Variants in WWOX observed in about 807,000 individuals in gnomAD.
The protein encoded by WWOX is WW domain-containing oxidoreductase.
Under a neutral mutation model 46.2 loss-of-function variants are expected in WWOX, and 69 were observed. That is an observed-to-expected ratio of 1.49 (90% CI 1.23 to 1.82). The LOEUF (loss-of-function observed/expected upper bound fraction) is 1.82. WWOX is among the 40% of genes most tolerant of loss of function. WWOX has a pLI of 0.00. For synonymous variants in WWOX, 359 were observed against 202.6 expected, an observed-to-expected ratio of 1.77 and a Z score of -6.56; for missense variants, 919 against 542.6, an observed-to-expected ratio of 1.69 and a Z score of -6.89.
chr16:78,986,833 G>C (rs987361682), intron 8 of WWOX, among the ~76,000 whole-genome samples: 1 of 152,082 alleles, frequency 6.6e-6, no homozygotes, highest in Non-Finnish European at 1.5e-5. Flanking sequence ...AGATTTTTGG[G>C]CATCTTTTTG....
chr16:78,155,027 T>A (rs1325277607), intron 4 of WWOX, among the ~76,000 whole-genome samples: 1 of 152,172 alleles, frequency 6.6e-6, no homozygotes, highest in African/African-American at 2.4e-5. Context: ...TGACAGTGGC[T>A]TCTCAGCTAA....
At chr16:78,251,601 C>A (rs1224355328) in intron 5 of WWOX, among the ~76,000 whole-genome samples, 1 of 152,214 alleles carries the variant, frequency 6.6e-6, no homozygotes, top group African/African-American at 2.4e-5. Flanking sequence ...TAACTTCATT[C>A]TAAAAGCTGT....
chr16:78,870,260 C>G (rs1281415729), intron 8 of WWOX, among the ~76,000 whole-genome samples: 1 of 152,200 alleles, frequency 6.6e-6, no homozygotes. Flanking sequence ...TGCTTGATGA[C>G]AATGACCCAG....
intron 8 of WWOX, among the ~76,000 whole-genome samples, chr16:78,934,243 C>T (rs1226477652): frequency 4.0e-5 from 6 of 149,448 alleles, no homozygotes; most frequent in Non-Finnish European, 5.9e-5. Context: ...GAGGCTGAGG[C>T]AGGAGAATGG....
intron 8 of WWOX, among the ~76,000 whole-genome samples, chr16:78,932,017 G>C (rs572904826): frequency 6.6e-6 from 1 of 152,200 alleles, no homozygotes; most frequent in Non-Finnish European, 1.5e-5. Flanking sequence ...GCTCCACATT[G>C]GCCTTCTGCC....
At chr16:78,395,630 C>G (rs757505160) in intron 6 of WWOX, among the ~76,000 whole-genome samples, 1 of 152,142 alleles carries the variant, frequency 6.6e-6, no homozygotes, top group Non-Finnish European at 1.5e-5. Flanking sequence ...GGGAAATGAG[C>G]TTCACATTGC....
chr16:78,673,775 C>A (rs367943898), intron 8 of WWOX, among the ~76,000 whole-genome samples: 1 of 152,200 alleles, frequency 6.6e-6, no homozygotes, highest in African/African-American at 2.4e-5. Flanking sequence ...TATTTCAATA[C>A]AACCCTTTCT....
At chr16:78,984,850 G>T (rs1214153337) in intron 8 of WWOX, among the ~76,000 whole-genome samples, 1 of 152,172 alleles carries the variant, frequency 6.6e-6, no homozygotes. Flanking sequence ...GGAGAAAGAC[G>T]AGGAAGAAGG....
chr16:78,936,435 C>G (rs1250328384), intron 8 of WWOX, among the ~76,000 whole-genome samples: 1 of 152,110 alleles, frequency 6.6e-6, no homozygotes, highest in African/African-American at 2.4e-5. Flanking sequence ...CTCTAGAGCT[C>G]TTTTCTCTGT....
At chr16:78,482,915 C>T (rs147078519) in intron 8 of WWOX, among the ~76,000 whole-genome samples, 10 of 152,200 alleles carry the variant, frequency 6.6e-5, no homozygotes, top group African/African-American at 1.9e-4. Flanking sequence ...GAAAAAGAAA[C>T]AGTCATTCAT....
chr16:78,509,858 C>T (rs1442265844), intron 8 of WWOX, among the ~76,000 whole-genome samples: 1 of 150,296 alleles, frequency 6.7e-6, no homozygotes, highest in Non-Finnish European at 1.5e-5. Context: ...GAGGCCGAGG[C>T]AGGAGGATCA....
chr16:78,190,353 C>G (rs940455116), intron 5 of WWOX, among the ~76,000 whole-genome samples: 2 of 152,178 alleles, frequency 1.3e-5, no homozygotes, highest in Non-Finnish European at 2.9e-5. Flanking sequence ...TTCTTTTGAC[C>G]ACCTTGACCC....
At chr16:78,159,717 C>G (rs370523673) in intron 4 of WWOX, among the ~76,000 whole-genome samples, 4 of 94,384 alleles carry the variant, frequency 4.2e-5, no homozygotes, top group Non-Finnish European at 8.5e-5. Context: ...TTAGGAGTTC[C>G]TTATATATTT....
chr16:78,984,716 G>C (rs1341743490), intron 8 of WWOX, among the ~76,000 whole-genome samples: 1 of 152,190 alleles, frequency 6.6e-6, no homozygotes, highest in East Asian at 1.9e-4. Flanking sequence ...TCATACTTTT[G>C]TAATACCGTT....
intron 8 of WWOX, chr16:78,825,953 A>G: frequency 1.3e-6 from 1 of 791,472 alleles, no homozygotes; most frequent in Non-Finnish European, 2.0e-6. Context: ...CTCAGAACAG[A>G]AGGGTGGGAA....
intron 8 of WWOX, among the ~76,000 whole-genome samples, chr16:78,879,068 G>A (rs191148237): frequency 6.6e-6 from 1 of 151,984 alleles, no homozygotes; most frequent in Non-Finnish European, 1.5e-5. Flanking sequence ...GAGGAAAGGA[G>A]GAAGGGAGGG....
chr16:78,861,331 T>C (rs2043881041), intron 8 of WWOX, among the ~76,000 whole-genome samples: 1 of 152,250 alleles, frequency 6.6e-6, no homozygotes, highest in South Asian at 2.1e-4. Flanking sequence ...TATTAACTTA[T>C]TCACACTGGC....
At chr16:79,018,089 A>G (rs374208682) in intron 8 of WWOX, among the ~76,000 whole-genome samples, 11 of 152,242 alleles carry the variant, frequency 7.2e-5, no homozygotes, top group African/African-American at 2.7e-4. Context: ...CGGACCTATG[A>G]GCAAAAGGAT....
At chr16:79,020,491 G>A (rs542224989) in intron 8 of WWOX, among the ~76,000 whole-genome samples, 2 of 152,148 alleles carry the variant, frequency 1.3e-5, no homozygotes, top group African/African-American at 2.4e-5. Context: ...GAGTTAGGAG[G>A]ATTAAATGCA....
Sources: gnomAD v4.1 joint callset for allele counts (sites outside exome capture counted in the v4.1 genomes callset) on GRCh38, gnomAD v4.1.1 for gene constraint, MANE v1.5 for transcripts, NCBI Gene and HGNC (gene_info 2026-07-23, HGNC 2026-07-21) for gene names.